METTL15: variants seen among roughly 807,000 people sequenced by gnomAD.
The protein encoded by METTL15 is methyltransferase 15, mitochondrial 12S rRNA N4-cytidine, also known as 12S rRNA N(4)-cytidine methyltransferase METTL15.
Under a neutral mutation model 38.3 loss-of-function variants are expected in METTL15, and 34 were observed. That is an observed-to-expected ratio of 0.89 (90% CI 0.68 to 1.18). The LOEUF (loss-of-function observed/expected upper bound fraction) is 1.18. Ranked by LOEUF, METTL15 falls within the 50% of genes most tolerant of loss-of-function variation. The pLI, the probability that METTL15 is intolerant of heterozygous loss-of-function variation, is 0.00. For synonymous variants in METTL15, 162 were observed against 170.9 expected (o/e 0.95, Z 0.41); for missense variants, 438 against 498.4 (o/e 0.88, Z 1.15).
chr11:28,233,585 G>A (rs11030257), intron 4 of METTL15, among the ~76,000 whole-genome samples: 22,009 of 151,694 alleles, frequency 0.15, 1,779 homozygotes, highest in East Asian at 0.28. Context: ...TCTTCCTTAT[G>A]GTGAGTGAGG....
At chr11:28,474,156 ATATT>A (rs1323626055) in intron 6 of METTL15, among the ~76,000 whole-genome samples, 1 of 147,554 alleles carries the variant, frequency 6.8e-6, no homozygotes, top group Non-Finnish European at 1.5e-5. Context: ...ATAAATGTAA[ATATT>A]TATAAATCTA....
rs78698496 is a variant in METTL15 at position 28,385,668 on chromosome 11, T to A, written c.*358+23632T>A. 2.6e-3 allele frequency among the ~76,000 whole-genome samples: 390 copies of A among 152,320 alleles called. 1 individual carries two copies. The highest frequency in any genetic ancestry group is 7.4e-3 in the African/African-American group (309 of 41,578). ...CCATGTGAATTTTAAAATAGTTGTT[T>A]CTAATTCTGCAAAGAATGTTACTGG... On this transcript the variant is annotated intron_variant and NMD_transcript_variant, in intron 5 of 7. Coordinates refer to the METTL15 transcript ENST00000532947.
At chr11:28,426,596 T>G (rs923544436) in intron 6 of METTL15, among the ~76,000 whole-genome samples, 100 of 151,214 alleles carry the variant, frequency 6.6e-4, no homozygotes, top group African/African-American at 2.1e-3. Flanking sequence ...TTTTTTTTTT[T>G]TTTTTTTTTT....
chr11:28,148,332 A>G (rs1359385293), intron 3 of METTL15, among the ~76,000 whole-genome samples: 1 of 151,834 alleles, frequency 6.6e-6, no homozygotes, highest in Admixed American at 6.6e-5. Flanking sequence ...TGTTACGCTG[A>G]TTGCTTCAAA....
At chr11:28,227,358 C>T (rs977817483) in intron 4 of METTL15, among the ~76,000 whole-genome samples, 2 of 151,658 alleles carry the variant, frequency 1.3e-5, no homozygotes, top group South Asian at 2.1e-4. Context: ...GAATGAGTAG[C>T]GTATGATCTC....
chr11:28,170,371 G>C (rs1486515073), intron 3 of METTL15, among the ~76,000 whole-genome samples: 1 of 152,042 alleles, frequency 6.6e-6, no homozygotes, highest in Non-Finnish European at 1.5e-5. Flanking sequence ...AGCTGTTAGC[G>C]GAAAGGGATC....
chr11:28,407,632 C>T (rs1159591922), intron 5 of METTL15, among the ~76,000 whole-genome samples: 5 of 151,868 alleles, frequency 3.3e-5, no homozygotes, highest in African/African-American at 1.2e-4. Flanking sequence ...GTCAGAATGG[C>T]GATTATTAAA....
At chr11:28,408,170 G>A (rs568363871) in intron 5 of METTL15, among the ~76,000 whole-genome samples, 26 of 152,204 alleles carry the variant, frequency 1.7e-4, no homozygotes, top group Admixed American at 1.6e-3. Flanking sequence ...AGGGGGTGGG[G>A]TGGGGGAAAC....
intron 3 of METTL15, among the ~76,000 whole-genome samples, chr11:28,166,456 ACAAATTT>A (rs1231199513): frequency 1.3e-5 from 2 of 152,194 alleles, no homozygotes; most frequent in African/African-American, 4.8e-5. Flanking sequence ...GGTACAGAAT[ACAAATTT>A]CCTAGCCTGT....
chr11:28,412,067 G>T (rs941065485), intron 5 of METTL15, among the ~76,000 whole-genome samples: 7 of 151,996 alleles, frequency 4.6e-5, no homozygotes, highest in Middle Eastern at 3.2e-3. Context: ...TGTAAGGGTG[G>T]CTATTATCAA....
At chr11:28,297,772 A>T (rs985737666) in intron 6 of METTL15, among the ~76,000 whole-genome samples, 11 of 151,878 alleles carry the variant, frequency 7.2e-5, no homozygotes, top group Non-Finnish European at 1.3e-4. Context: ...ATGTATTAAG[A>T]TTTTTTTTCA....
chr11:28,236,657 G>T (rs2133894095), intron 4 of METTL15, among the ~76,000 whole-genome samples: 2 of 152,224 alleles, frequency 1.3e-5, no homozygotes, highest in South Asian at 2.1e-4. Flanking sequence ...ATGTTAGCTG[G>T]TTATTTTGCT....
At chr11:28,257,657 C>T (rs771428196) in intron 4 of METTL15, among the ~76,000 whole-genome samples, 2 of 152,056 alleles carry the variant, frequency 1.3e-5, no homozygotes, top group African/African-American at 2.4e-5. Context: ...TCTGCTTGAT[C>T]CATTCTGCTA....
At position 28,160,902 on chromosome 11, in the gene METTL15, T is replaced by C. The variant is rs553952260; in HGVS notation, c.270+47298T>C. Among the ~76,000 whole-genome samples the C allele has an allele frequency of 4.6e-5, 7 of 152,162 alleles. No homozygotes were observed. The East Asian group carries it at 9.7e-4, about 21-fold the overall frequency. Reference sequence around the variant, plus strand: ...TTTAGTACATTGATTCTCAATCATATTAGACCCAACATCCTTTTTTTATAA... The same window carrying C: ...TTTAGTACATTGATTCTCAATCATACTAGACCCAACATCCTTTTTTTATAA... On this transcript the variant is annotated intron_variant, in intron 3 of 6. Coordinates refer to ENST00000407364, the MANE Select transcript of METTL15 (RefSeq NM_001113528.2).
intron 5 of METTL15, among the ~76,000 whole-genome samples, chr11:28,403,516 G>T (rs1465661990): frequency 2.0e-5 from 3 of 151,978 alleles, no homozygotes; most frequent in South Asian, 4.1e-4. Flanking sequence ...TAGAATAGGG[G>T]TTAATAACTT....
chr11:28,130,825 A>G (rs1276961589), intron 3 of METTL15, among the ~76,000 whole-genome samples: 2 of 152,162 alleles, frequency 1.3e-5, no homozygotes, highest in Non-Finnish European at 2.9e-5. Context: ...GATTTATGCA[A>G]TAGTTACATT....
Position 28,468,116 on chromosome 11 carries a change from A to T in METTL15, c.*424+43752A>T, listed in dbSNP as rs759148229. On this transcript the variant is annotated intron_variant and NMD_transcript_variant, in intron 6 of 7. Transcript: ENST00000532947. Reference sequence around the variant, plus strand: ...GACATCCTTGTGCATCTTAATGGTGACACACCCCAAGTGACTTGTTTTCCA... The same window carrying T: ...GACATCCTTGTGCATCTTAATGGTGTCACACCCCAAGTGACTTGTTTTCCA... Among the ~76,000 whole-genome samples, 14 of 152,300 alleles carry T rather than the reference A, an allele frequency of 9.2e-5. No individual in the cohort carries two copies. In the South Asian group the frequency reaches 1.2e-3, roughly 14 times the overall value.
chr11:28,451,738 C>T (rs950761107), intron 6 of METTL15, among the ~76,000 whole-genome samples: 4 of 152,192 alleles, frequency 2.6e-5, no homozygotes, highest in Non-Finnish European at 2.9e-5. Flanking sequence ...CTTCACTGCT[C>T]ACCCTATTAT....
intron 6 of METTL15, among the ~76,000 whole-genome samples, chr11:28,482,317 T>TA (rs1851402275): frequency 6.6e-6 from 1 of 152,208 alleles, no homozygotes; most frequent in Non-Finnish European, 1.5e-5. Context: ...GTAACATTCA[T>TA]ATCATGTTTG....
Sources: allele counts gnomAD v4.1 joint callset (sites outside exome capture counted in the v4.1 genomes callset), GRCh38; gene constraint gnomAD v4.1.1; transcripts MANE v1.5; gene names NCBI Gene and HGNC (gene_info 2026-07-23, HGNC 2026-07-21).